FGD4: variants seen among roughly 807,000 people sequenced by gnomAD.
FGD4 encodes FYVE, RhoGEF and PH domain-containing protein 4.
In FGD4, 42 loss-of-function variants were observed where a neutral mutation model predicts 102.0. The ratio of observed to expected loss-of-function variants is 0.41; its 90% CI spans 0.32 to 0.53. The LOEUF (loss-of-function observed/expected upper bound fraction) is 0.53, where lower values mean the gene tolerates loss of function less well. Among genes scored for constraint, FGD4 ranks in the 20% least tolerant of loss-of-function variants. The pLI is 0.21. For missense variants in FGD4, 902 were observed against 1,078.2 expected, an observed-to-expected ratio of 0.84 and a Z score of 2.29; for synonymous variants, 380 against 375.7, an observed-to-expected ratio of 1.01 and a Z score of -0.13.
rs1267173439 is a variant in FGD4 at position 32,645,141 on chromosome 12, A to G, written c.*4608A>G. 2 of 152,154 alleles carry G rather than the reference A, an allele frequency of 1.3e-5. No individual in the cohort carries two copies. Among genetic ancestry groups the G allele is most frequent in the Admixed American group, 6.5e-5 (1 of 15,276 alleles). 9.4% of individuals were successfully genotyped at this position (152,154 alleles called of 1,614,324 possible). ...ACTTTAATAAATAAATACCAAATAC[A>G]TAGTGACATATAGGTTTGGGAAGAA... On this transcript the variant is annotated 3_prime_UTR_variant, in exon 17 of 17. Transcript: ENST00000534526.
intron 1 of FGD4, among the ~76,000 whole-genome samples, chr12:32,425,549 A>G (rs1941801756): frequency 6.6e-6 from 1 of 152,196 alleles, no homozygotes; most frequent in Admixed American, 6.5e-5. Flanking sequence ...TGTCTTGGCT[A>G]TATGAGTTCT....
intron 3 of FGD4, among the ~76,000 whole-genome samples, chr12:32,578,992 A>G (rs1320694004): frequency 2.0e-5 from 3 of 148,094 alleles, no homozygotes; most frequent in African/African-American, 7.5e-5. Flanking sequence ...GAACCACTTT[A>G]AGATTTTAGA....
chr12:32,503,185 T>G (rs551120134), intron 1 of FGD4, among the ~76,000 whole-genome samples: 1 of 152,340 alleles, frequency 6.6e-6, no homozygotes, highest in South Asian at 2.1e-4. Flanking sequence ...CTGTCTATAG[T>G]CTGGATACTT....
At chr12:32,542,171 T>G (rs1942896194) in intron 1 of FGD4, among the ~76,000 whole-genome samples, 1 of 152,180 alleles carries the variant, frequency 6.6e-6, no homozygotes, top group African/African-American at 2.4e-5. Flanking sequence ...ATGAGCAGTG[T>G]TGGTAACTGC....
intron 8 of FGD4, among the ~76,000 whole-genome samples, chr12:32,609,147 AG>A (rs1465020800): frequency 6.6e-6 from 1 of 152,170 alleles, no homozygotes; most frequent in Non-Finnish European, 1.5e-5. Flanking sequence ...TACAGGTGTG[AG>A]CCACTGCTTC....
At chr12:32,565,337 A>ATTT (rs1353889410) in intron 2 of FGD4, among the ~76,000 whole-genome samples, 5 of 152,194 alleles carry the variant, frequency 3.3e-5, no homozygotes, top group Non-Finnish European at 7.3e-5. Flanking sequence ...AGGTCAGATA[A>ATTT]TTGATGATTC....
intron 1 of FGD4, among the ~76,000 whole-genome samples, chr12:32,466,530 C>G (rs1943255324): frequency 6.6e-6 from 1 of 152,046 alleles, no homozygotes; most frequent in Non-Finnish European, 1.5e-5. Flanking sequence ...TCAAAGCTCA[C>G]TGATTTAATG....
chr12:32,511,835 G>A (rs1939406520), intron 1 of FGD4: 1 of 151,964 alleles, frequency 6.6e-6, no homozygotes, highest in South Asian at 2.1e-4. Context: ...ATTAGAAAAA[G>A]ACAGTCTACA....
rs1324083619 is a variant in FGD4 at position 32,473,184 on chromosome 12, C to T, written c.166+73225C>T. 5.3e-5 allele frequency among the ~76,000 whole-genome samples: 8 copies of T among 152,166 alleles called. No homozygotes were observed. The East Asian group carries it at 1.5e-3, about 29-fold the overall frequency. ...CAGGCCACTGGGCTCTACCAATCAG[C>T]AGGATGTGGGTGGGGCCAGATAAGA... On this transcript the variant is annotated intron_variant, in intron 1 of 16. Coordinates refer to ENST00000534526, the MANE Select transcript of FGD4 (RefSeq NM_001370298.3).
intron 15 of FGD4, among the ~76,000 whole-genome samples, chr12:32,638,098 AC>A (rs1253095064): frequency 6.6e-6 from 1 of 152,192 alleles, no homozygotes; most frequent in Non-Finnish European, 1.5e-5. Context: ...ACAGTGACTC[AC>A]CCCTGTAATC....
At chr12:32,545,707 C>G (rs1943177952) in intron 1 of FGD4, among the ~76,000 whole-genome samples, 1 of 152,186 alleles carries the variant, frequency 6.6e-6, no homozygotes, top group Non-Finnish European at 1.5e-5. Context: ...ACTGGTCCCA[C>G]GTGGTGCCTT....
chr12:32,602,678 T>G, intron 7 of FGD4, among the ~76,000 whole-genome samples: 1 of 152,240 alleles, frequency 6.6e-6, no homozygotes, highest in East Asian at 1.9e-4. Flanking sequence ...TTTGGGAAAC[T>G]AATCATTCTT....
Position 32,608,108 on chromosome 12 carries a change from T to C in FGD4, c.1543+13T>C, listed in dbSNP as rs762177862. ...AATGATGCTAAAAGTAAATGCTTTTTTTTTGTTTTCTCCCTATTTTGGAAT... is the reference window on the plus strand; with the variant it reads ...AATGATGCTAAAAGTAAATGCTTTTCTTTTGTTTTCTCCCTATTTTGGAAT... On this transcript the variant is annotated intron_variant, in intron 8 of 16. Coordinates refer to ENST00000534526, the MANE Select transcript of FGD4 (RefSeq NM_001370298.3). 1.2e-4 allele frequency: 188 copies of C among 1,614,004 alleles called. No individual in the cohort carries two copies. The highest frequency in any genetic ancestry group is 1.5e-4 in the Non-Finnish European group (175 of 1,179,996).
At chr12:32,478,790 A>G (rs541778960) in intron 1 of FGD4, among the ~76,000 whole-genome samples, 4 of 152,218 alleles carry the variant, frequency 2.6e-5, no homozygotes, top group South Asian at 2.1e-4. Context: ...GTTGAGTAAC[A>G]TATTTAGGAA....
At chr12:32,469,228 A>G (rs1356076230) in intron 1 of FGD4, among the ~76,000 whole-genome samples, 1 of 152,090 alleles carries the variant, frequency 6.6e-6, no homozygotes, top group Admixed American at 6.5e-5. Flanking sequence ...TTTTTTATTT[A>G]TATATACTAG....
intron 1 of FGD4, among the ~76,000 whole-genome samples, chr12:32,453,237 A>ATT (rs60006767): frequency 0.011 from 987 of 90,494 alleles, 15 homozygotes; most frequent in African/African-American, 0.021. Flanking sequence ...ATATATATAT[A>ATT]TTTTTTTTTT....
At chr12:32,575,394 A>G (rs1946045163) in intron 2 of FGD4, among the ~76,000 whole-genome samples, 1 of 152,174 alleles carries the variant, frequency 6.6e-6, no homozygotes, top group Non-Finnish European at 1.5e-5. Context: ...AGAGGAAGCA[A>G]GAGAGAGAAG....
intron 12 of FGD4, chr12:32,624,761 A>G: frequency 1.6e-6 from 1 of 629,696 alleles, no homozygotes; most frequent in Non-Finnish European, 2.8e-6. Context: ...GGTGTGAGCC[A>G]CCACGCCCAG....
At position 32,525,705 on chromosome 12, in the gene FGD4, T is replaced by C. The variant is rs1008643128; in HGVS notation, c.167-38432T>C. Among the ~76,000 whole-genome samples, 18 of 152,302 alleles carry C rather than the reference T, an allele frequency of 1.2e-4. No individual in the cohort carries two copies. The East Asian group carries it at 2.7e-3, about 23-fold the overall frequency. ...CACGAGCGGGAACCGGGGCTGCGTG[T>C]GGCGCTTGTGGGCCAGCTGGAGTTC... On this transcript the variant is annotated intron_variant, in intron 1 of 16. Coordinates refer to ENST00000534526, the MANE Select transcript of FGD4 (RefSeq NM_001370298.3).
Sources: allele counts gnomAD v4.1 joint callset (sites outside exome capture counted in the v4.1 genomes callset), GRCh38; gene constraint gnomAD v4.1.1; transcripts MANE v1.5; gene names NCBI Gene and HGNC (gene_info 2026-07-23, HGNC 2026-07-21).